The following FUT9 variants were observed in gnomAD, a reference collection of about 807,000 sequenced individuals.
FUT9 encodes the protein 4-galactosyl-N-acetylglucosaminide 3-alpha-L-fucosyltransferase 9.
In FUT9, 15 loss-of-function variants were observed where a neutral mutation model predicts 29.7. The observed-to-expected ratio is 0.51, with a 90% CI of 0.34 to 0.78. The LOEUF (loss-of-function observed/expected upper bound fraction) is 0.78. FUT9 is among the 30% of genes least tolerant of loss of function. The probability of loss-of-function intolerance (pLI) is 0.01; values close to 1 mark genes in which losing one functional copy is unlikely to be tolerated. For synonymous variants in FUT9, 169 were observed against 153.7 expected (o/e 1.10, Z -0.74); for missense variants, 319 against 425.4 (o/e 0.75, Z 2.20).
rs541581608 is a variant in FUT9, at chr6:96,165,272, A to G, written c.-8-37876A>G. Among the ~76,000 whole-genome samples, 6 of 152,072 alleles carry G rather than the reference A, an allele frequency of 3.9e-5. No individual in the cohort carries two copies. In the East Asian group the frequency reaches 1.2e-3, roughly 30 times the overall value. On this transcript the variant is annotated intron_variant, in intron 2 of 2. Coordinates refer to ENST00000302103, the MANE Select transcript of FUT9 (RefSeq NM_006581.4). The stretch of plus-strand genomic sequence containing the variant: ...CATGGAGAAACCCCGTCTCTACTAA[A>G]AATACAAAATTAGCCGGTCGTGATG...
At chr6:96,155,900 T>C (rs922555694) in intron 2 of FUT9, among the ~76,000 whole-genome samples, 1 of 152,074 alleles carries the variant, frequency 6.6e-6, no homozygotes, top group Non-Finnish European at 1.5e-5. Context: ...ATCTACCCAG[T>C]TTGTGGTATT....
chr6:96,104,346 T>C (rs945380847), intron 1 of FUT9, among the ~76,000 whole-genome samples: 3 of 152,240 alleles, frequency 2.0e-5, no homozygotes, highest in Non-Finnish European at 2.9e-5. Flanking sequence ...TATTTTAATA[T>C]TATTTGACCA....
intron 2 of FUT9, among the ~76,000 whole-genome samples, chr6:96,150,378 G>A (rs1262336490): frequency 2.6e-5 from 4 of 152,160 alleles, no homozygotes; most frequent in Non-Finnish European, 5.9e-5. Flanking sequence ...AGGAAAAGGA[G>A]AAGGAGGTGT....
intron 2 of FUT9, among the ~76,000 whole-genome samples, chr6:96,167,650 T>C (rs1485179633): frequency 6.6e-6 from 1 of 152,112 alleles, no homozygotes; most frequent in South Asian, 2.1e-4. Context: ...AAGTAAATAA[T>C]GATGTCAAAA....
At chr6:96,132,667 T>G (rs1462207994) in intron 2 of FUT9, among the ~76,000 whole-genome samples, 1 of 152,104 alleles carries the variant, frequency 6.6e-6, no homozygotes, top group Non-Finnish European at 1.5e-5. Flanking sequence ...TGCTTTCTTA[T>G]GTTCTGTTTT....
chr6:96,200,571 G>C (rs973282701), intron 2 of FUT9, among the ~76,000 whole-genome samples: 5 of 152,192 alleles, frequency 3.3e-5, no homozygotes, highest in Non-Finnish European at 5.9e-5. Flanking sequence ...TTAAATGGTG[G>C]CTATTTCATT....
intron 2 of FUT9, among the ~76,000 whole-genome samples, chr6:96,118,560 A>G (rs1012368876): frequency 6.6e-6 from 1 of 152,242 alleles, no homozygotes; most frequent in Non-Finnish European, 1.5e-5. Flanking sequence ...ACAATTACAT[A>G]AGGTGCATAA....
intron 1 of FUT9, among the ~76,000 whole-genome samples, chr6:96,028,259 A>G (rs1770200769): frequency 1.3e-5 from 2 of 150,760 alleles, no homozygotes; most frequent in Admixed American, 6.6e-5. Flanking sequence ...CGTTACATGG[A>G]AAAAAAAACA....
chr6:96,046,402 TATTAACC>T (rs1223914758), intron 1 of FUT9, among the ~76,000 whole-genome samples: 1 of 152,148 alleles, frequency 6.6e-6, no homozygotes, highest in Non-Finnish European at 1.5e-5. Context: ...ATTTGAAAAA[TATTAACC>T]TACAACTCCA....
intron 1 of FUT9, among the ~76,000 whole-genome samples, chr6:96,112,987 A>C (rs1173223789): frequency 6.6e-6 from 1 of 152,212 alleles, no homozygotes; most frequent in Non-Finnish European, 1.5e-5. Flanking sequence ...ACAGATGTTT[A>C]GGCAAATCAT....
intron 2 of FUT9, among the ~76,000 whole-genome samples, chr6:96,184,591 C>G (rs1191962425): frequency 6.6e-6 from 1 of 151,988 alleles, no homozygotes; most frequent in Admixed American, 6.6e-5. Context: ...GCGTTTAGAG[C>G]TATGAACTTT....
chr6:96,174,011 A>G lies in FUT9; in HGVS notation c.-8-29137A>G, dbSNP rs200868764. Among the ~76,000 whole-genome samples the G allele has an allele frequency of 7.2e-5, 11 of 152,270 alleles. No individual in the cohort carries two copies. In the East Asian group the frequency reaches 1.7e-3, roughly 24 times the overall value. On this transcript the variant is annotated intron_variant, in intron 2 of 2. Coordinates refer to ENST00000302103, the MANE Select transcript of FUT9 (RefSeq NM_006581.4). ...ATTATATGAATCAAGATTAAGAAAAATACAAGAAGTATTTAGGACTTCTAA... is the reference window on the plus strand; with the variant it reads ...ATTATATGAATCAAGATTAAGAAAAGTACAAGAAGTATTTAGGACTTCTAA...
chr6:96,154,984 A>G (rs1296549685), intron 2 of FUT9, among the ~76,000 whole-genome samples: 2 of 152,284 alleles, frequency 1.3e-5, no homozygotes, highest in Admixed American at 6.5e-5. Context: ...GGAGGCAATG[A>G]CAGTCCCTGC....
chr6:96,146,327 A>G (rs559864368), intron 2 of FUT9, among the ~76,000 whole-genome samples: 2 of 152,336 alleles, frequency 1.3e-5, no homozygotes, highest in Admixed American at 1.3e-4. Context: ...GAACATTTCT[A>G]TCTACTTTAT....
chr6:96,116,590 T>C (rs1240891646), intron 2 of FUT9, among the ~76,000 whole-genome samples: 1 of 152,238 alleles, frequency 6.6e-6, no homozygotes, highest in African/African-American at 2.4e-5. Flanking sequence ...TAAAGGGGAA[T>C]ACTATTCAAA....
chr6:96,017,502 A>C (rs1769999810), intron 1 of FUT9, among the ~76,000 whole-genome samples: 1 of 152,168 alleles, frequency 6.6e-6, no homozygotes, highest in Non-Finnish European at 1.5e-5. Context: ...TTAAATAATA[A>C]AATTTGTGCT....
At chr6:96,201,098 T>C (rs1162631732) in intron 2 of FUT9, among the ~76,000 whole-genome samples, 3 of 152,028 alleles carry the variant, frequency 2.0e-5, no homozygotes, top group East Asian at 1.9e-4. Flanking sequence ...AGGTGGATGG[T>C]ATTCCTAATT....
intron 1 of FUT9, among the ~76,000 whole-genome samples, chr6:96,079,250 T>A (rs1251486738): frequency 6.6e-6 from 1 of 152,158 alleles, no homozygotes; most frequent in Non-Finnish European, 1.5e-5. Flanking sequence ...CAACTTTAAA[T>A]TTCCACAACA....
intron 2 of FUT9, among the ~76,000 whole-genome samples, chr6:96,120,269 CTTTTTTTTT>C (rs11347804): frequency 1.1e-5 from 1 of 91,468 alleles, no homozygotes; most frequent in Admixed American, 1.5e-4. Context: ...TTTTTTCTTT[CTTTTTTTTT>C]TTTTTTTTTT....
Sources: allele counts gnomAD v4.1 joint callset (sites outside exome capture counted in the v4.1 genomes callset), GRCh38; gene constraint gnomAD v4.1.1; transcripts MANE v1.5; gene names NCBI Gene and HGNC (gene_info 2026-07-23, HGNC 2026-07-21).